The following TASP1 variants were observed in gnomAD, a reference collection of about 807,000 sequenced individuals.
TASP1 encodes the protein threonine aspartase 1.
A neutral mutation model predicts 56.6 loss-of-function variants in TASP1; 16 were observed. That is an observed-to-expected ratio of 0.28 (90% CI 0.19 to 0.43). The LOEUF is 0.43. Ranked by LOEUF, TASP1 falls within the 20% of genes least tolerant of loss-of-function variation. The pLI, the probability that TASP1 is intolerant of heterozygous loss-of-function variation, is 1.00. For missense variants in TASP1, 393 were observed against 511.6 expected (o/e 0.77, Z 2.24); for synonymous variants, 179 against 184.2 (o/e 0.97, Z 0.23).
chr20:13,408,801 A>G (rs1459571652), intron 13 of TASP1, among the ~76,000 whole-genome samples: 1 of 152,156 alleles, frequency 6.6e-6, no homozygotes, highest in Non-Finnish European at 1.5e-5. Context: ...TAATGCCTAC[A>G]GAATCGGTGA....
At chr20:13,366,820 A>G in the TASP1 span, among the ~76,000 whole-genome samples, 1 of 152,188 alleles carries the variant, frequency 6.6e-6, no homozygotes, top group South Asian at 2.1e-4. Context: ...CTTTCCTTGC[A>G]GAGTCTACGC....
intron 4 of TASP1, among the ~76,000 whole-genome samples, chr20:13,613,705 T>C (rs2048428613): frequency 6.6e-6 from 1 of 152,020 alleles, no homozygotes; most frequent in Non-Finnish European, 1.5e-5. Context: ...ATTATTATGT[T>C]TGAGGCTGTA....
chr20:13,474,257 A>AAT (rs2044635132), intron 11 of TASP1, among the ~76,000 whole-genome samples: 1 of 152,240 alleles, frequency 6.6e-6, no homozygotes, highest in African/African-American at 2.4e-5. Flanking sequence ...TACTGTGCCC[A>AAT]ATATGTAGTC....
chr20:13,235,000 C>A, the TASP1 span, among the ~76,000 whole-genome samples: 1 of 152,206 alleles, frequency 6.6e-6, no homozygotes, highest in Non-Finnish European at 1.5e-5. Context: ...GTTTTTCTTG[C>A]AAGTTGCAGG....
the TASP1 span, among the ~76,000 whole-genome samples, chr20:13,227,243 T>G: frequency 6.6e-6 from 1 of 152,082 alleles, no homozygotes; most frequent in South Asian, 2.1e-4. Context: ...TCACTCTATC[T>G]CCCAGGCTGG....
intron 6 of TASP1, among the ~76,000 whole-genome samples, chr20:13,576,213 G>T (rs1329758861): frequency 6.9e-6 from 1 of 144,684 alleles, no homozygotes; most frequent in African/African-American, 2.6e-5. Context: ...GAAGGGGGAG[G>T]GGAGGGGAGG....
chr20:13,548,109 A>T (rs1167283780), intron 8 of TASP1, among the ~76,000 whole-genome samples: 1 of 152,036 alleles, frequency 6.6e-6, no homozygotes, highest in African/African-American at 2.4e-5. Flanking sequence ...AAGATTGGAA[A>T]GACAGACAGC....
the TASP1 span, among the ~76,000 whole-genome samples, chr20:13,221,548 G>A: frequency 6.9e-6 from 1 of 144,072 alleles, no homozygotes; most frequent in Non-Finnish European, 1.5e-5. Context: ...TGGCTCCGCC[G>A]TGGTGCGGCG....
At chr20:13,179,011 T>C in the TASP1 span, among the ~76,000 whole-genome samples, 1 of 152,116 alleles carries the variant, frequency 6.6e-6, no homozygotes, top group African/African-American at 2.4e-5. Context: ...TTTATATGTA[T>C]CCAAACATCA....
intron 8 of TASP1, among the ~76,000 whole-genome samples, chr20:13,539,324 A>G (rs1477744242): frequency 6.6e-6 from 1 of 152,082 alleles, no homozygotes; most frequent in Non-Finnish European, 1.5e-5. Flanking sequence ...GAGCAAGAGG[A>G]AAAAAATGTA....
chr20:13,164,456 A>C, the TASP1 span: 1 of 513,808 alleles, frequency 1.9e-6, no homozygotes, highest in South Asian at 1.6e-5. Context: ...TTTAAAATAA[A>C]ACCTTTTAAG....
At chr20:13,109,101 A>G in the TASP1 span, among the ~76,000 whole-genome samples, 1 of 152,236 alleles carries the variant, frequency 6.6e-6, no homozygotes, top group Non-Finnish European at 1.5e-5. Context: ...ACACATGTAC[A>G]TATATACCAA....
intron 13 of TASP1, chr20:13,392,793 C>T: frequency 1.6e-6 from 1 of 619,960 alleles, no homozygotes; most frequent in South Asian, 1.4e-5. Flanking sequence ...TCCTTGACCT[C>T]AACTACATAG....
chr20:13,160,674 G>A, the TASP1 span, among the ~76,000 whole-genome samples: 1 of 152,192 alleles, frequency 6.6e-6, no homozygotes. Context: ...ACTCAGTTTG[G>A]AGTTAATGGG....
At position 13,480,512 on chromosome 20, in the gene TASP1, G is replaced by A. The variant is rs370730929; in HGVS notation, c.985+2715C>T. On this transcript the variant is annotated intron_variant, in intron 11 of 13. Coordinates refer to ENST00000337743, the MANE Select transcript of TASP1 (RefSeq NM_017714.3). Reference sequence around the variant, plus strand: ...TCAGACATTTCTTGCTCCTTTCCACGAGTCTGGAATTTCTAAGATGGGGCT... The same window carrying A: ...TCAGACATTTCTTGCTCCTTTCCACAAGTCTGGAATTTCTAAGATGGGGCT... 1.4e-4 allele frequency among the ~76,000 whole-genome samples: 22 copies of A among 152,240 alleles called. No homozygotes were observed. The East Asian group carries it at 3.9e-3, about 27-fold the overall frequency.
intron 5 of TASP1, among the ~76,000 whole-genome samples, chr20:13,581,607 A>G (rs907313943): frequency 6.6e-6 from 1 of 152,226 alleles, no homozygotes; most frequent in Non-Finnish European, 1.5e-5. Flanking sequence ...GCTAACCAGT[A>G]TGTACAAGTG....
chr20:13,232,132 G>C, the TASP1 span, among the ~76,000 whole-genome samples: 4,795 of 152,184 alleles, frequency 0.032, 261 homozygotes, highest in African/African-American at 0.11. Flanking sequence ...GGAGAAGAGT[G>C]GCAGTCATTT....
the TASP1 span, among the ~76,000 whole-genome samples, chr20:13,336,363 C>T: frequency 3.3e-5 from 5 of 152,170 alleles, no homozygotes; most frequent in Middle Eastern, 3.2e-3. Context: ...GCTCATGCCC[C>T]GTCCTGCCCC....
intron 8 of TASP1, among the ~76,000 whole-genome samples, chr20:13,548,289 G>T (rs1490976939): frequency 6.6e-6 from 1 of 152,130 alleles, no homozygotes; most frequent in Non-Finnish European, 1.5e-5. Flanking sequence ...GGGCAGGGCA[G>T]TTGTGGGCAG....
Sources: allele counts gnomAD v4.1 joint callset (sites outside exome capture counted in the v4.1 genomes callset), GRCh38; gene constraint gnomAD v4.1.1; transcripts MANE v1.5; gene names NCBI Gene and HGNC (gene_info 2026-07-23, HGNC 2026-07-21).